LIMCH1: variants seen among roughly 807,000 people sequenced by gnomAD.
LIMCH1 encodes LIM and calponin homology domains-containing protein 1.
Under a neutral mutation model 176.5 loss-of-function variants are expected in LIMCH1, and 113 were observed. That is an observed-to-expected ratio of 0.64 (90% CI 0.55 to 0.75). The LOEUF is 0.75. Among genes scored for constraint, LIMCH1 ranks in the 30% least tolerant of loss-of-function variants. The pLI is 0.00. For synonymous variants in LIMCH1, 619 were observed against 645.9 expected (o/e 0.96, Z 0.63); for missense variants, 1,674 against 1,814.9 (o/e 0.92, Z 1.41).
chr4:41,493,918 G>C (rs2071552032), intron 1 of LIMCH1, among the ~76,000 whole-genome samples: 2 of 152,052 alleles, frequency 1.3e-5, no homozygotes. Context: ...TTCCCATCTT[G>C]ATGTTAGTCC....
chr4:41,621,801 T>A (rs2152828697), intron 7 of LIMCH1, among the ~76,000 whole-genome samples: 1 of 152,296 alleles, frequency 6.6e-6, no homozygotes, highest in Middle Eastern at 3.4e-3. Context: ...CTTGCAGAGC[T>A]GGTCACCACC....
intron 1 of LIMCH1, among the ~76,000 whole-genome samples, chr4:41,582,719 A>G (rs2085725620): frequency 6.6e-6 from 1 of 152,212 alleles, no homozygotes. Flanking sequence ...ATATACATAA[A>G]TTGCTTAGAA....
At chr4:41,536,056 A>C (rs1361332893), upstream of LIMCH1, among the ~76,000 whole-genome samples, 3 of 152,230 alleles carry the variant, frequency 2.0e-5, no homozygotes, top group Non-Finnish European at 4.4e-5. Context: ...AACTGTGAGC[A>C]AAAAATATAT....
chr4:41,684,439 A>T lies in LIMCH1; in HGVS notation c.3888A>T (p.Ser1296=), dbSNP rs199531434. ...GALAHSGNPV[S]KGVHEDHQLD... ...TGGCTCATTCTGGGAACCCTGTATCAAAAGGAGTCCATGAAGACCATCAGC... is the reference window on the plus strand; with the variant it reads ...TGGCTCATTCTGGGAACCCTGTATCTAAAGGAGTCCATGAAGACCATCAGC... The change falls in exon 27 of 32, where the codon TCA becomes TCT. Residue 1296 remains serine, a synonymous_variant. Transcript: ENST00000503057. 8.1e-6 allele frequency: 13 copies of T among 1,613,730 alleles called. No individual in the cohort carries two copies. The highest frequency in any genetic ancestry group is 1.1e-5 in the Non-Finnish European group (13 of 1,179,794).
intron 22 of LIMCH1, among the ~76,000 whole-genome samples, chr4:41,675,909 A>G (rs1329744625): frequency 6.6e-6 from 1 of 152,226 alleles, no homozygotes; most frequent in Non-Finnish European, 1.5e-5. Flanking sequence ...AACCCACTGT[A>G]GGGAAAAGTG....
intron 1 of LIMCH1, among the ~76,000 whole-genome samples, chr4:41,434,777 A>C (rs1410798843): frequency 6.6e-6 from 1 of 152,206 alleles, no homozygotes; most frequent in Non-Finnish European, 1.5e-5. Flanking sequence ...TTGGCCTCCC[A>C]AAGTGCTGGG....
At chr4:41,387,203 A>C (rs1434558116) in intron 1 of LIMCH1, among the ~76,000 whole-genome samples, 2 of 152,252 alleles carry the variant, frequency 1.3e-5, no homozygotes, top group African/African-American at 4.8e-5. Flanking sequence ...ATGAGAATGT[A>C]CAGATAACAT....
chr4:41,629,663 C>T lies in LIMCH1; in HGVS notation c.1200C>T (p.Phe400=). ...CCCCTCACCGCGAGCCCCCGAGCTT[C>T]ATTACGCTCTCCAACATAACAGAAG... ...SLAPHREPPS[F]ITLSNITEAD... The change falls in exon 9 of 32, where the codon TTC becomes TTT. Residue 400 remains phenylalanine, a synonymous_variant. Transcript: ENST00000503057. The T allele has an allele frequency of 6.5e-7, 1 of 1,536,092 alleles. No homozygotes were observed. Among genetic ancestry groups the T allele is most frequent in the Non-Finnish European group, 8.7e-7 (1 of 1,146,914 alleles).
intron 1 of LIMCH1, among the ~76,000 whole-genome samples, chr4:41,471,194 G>C (rs549885549): frequency 2.6e-5 from 4 of 152,244 alleles, no homozygotes; most frequent in African/African-American, 9.6e-5. Flanking sequence ...TTGAGCTATC[G>C]TGTTAGCTTT....
intron 1 of LIMCH1, among the ~76,000 whole-genome samples, chr4:41,385,354 C>G (rs950535099): frequency 4.6e-5 from 7 of 152,130 alleles, no homozygotes; most frequent in African/African-American, 1.7e-4. Flanking sequence ...TATTTGTTTT[C>G]TGAGCATTTT....
chr4:41,543,701 C>T (rs1057409075), intron 1 of LIMCH1, among the ~76,000 whole-genome samples: 3 of 152,100 alleles, frequency 2.0e-5, no homozygotes, highest in Non-Finnish European at 2.9e-5. Flanking sequence ...CCAAACATAG[C>T]GCCACAGTCT....
chr4:41,454,113 C>T (rs2154148511), intron 1 of LIMCH1, among the ~76,000 whole-genome samples: 1 of 152,200 alleles, frequency 6.6e-6, no homozygotes, highest in South Asian at 2.1e-4. Flanking sequence ...TCAATGCCCC[C>T]CACCCTCACC....
intron 1 of LIMCH1, among the ~76,000 whole-genome samples, chr4:41,405,006 A>G (rs998420537): frequency 1.3e-5 from 2 of 151,462 alleles, no homozygotes; most frequent in African/African-American, 2.4e-5. Flanking sequence ...TCTTTAACCC[A>G]TTTTTTCTGT....
chr4:41,633,131 TG>T, intron 12 of LIMCH1, 46 bp downstream of exon 12: 1 of 1,333,954 alleles, frequency 7.5e-7, no homozygotes, highest in East Asian at 2.5e-5. Context: ...TTGCCCCTGC[TG>T]TGTGTGGCTG....
At chr4:41,650,835 C>T (rs2094264816) in intron 18 of LIMCH1, among the ~76,000 whole-genome samples, 1 of 152,070 alleles carries the variant, frequency 6.6e-6, no homozygotes, top group Non-Finnish European at 1.5e-5. Flanking sequence ...GGTTGGCTCC[C>T]TCCATTGGTC....
chr4:41,491,424 G>A (rs1040875747), intron 1 of LIMCH1, among the ~76,000 whole-genome samples: 11 of 150,532 alleles, frequency 7.3e-5, no homozygotes, highest in Non-Finnish European at 1.2e-4. Context: ...CAGATGAAGG[G>A]CGGCCGGGCA....
intron 1 of LIMCH1, among the ~76,000 whole-genome samples, chr4:41,588,547 G>T (rs1417985890): frequency 6.6e-6 from 1 of 152,160 alleles, no homozygotes; most frequent in East Asian, 1.9e-4. Flanking sequence ...GACTTAGGGT[G>T]ATAAATAATA....
chr4:41,629,641 C>T lies in LIMCH1; in HGVS notation c.1178C>T (p.Pro393Leu). 1 of 1,536,042 alleles carries T rather than the reference C, an allele frequency of 6.5e-7. No homozygotes were observed. Among genetic ancestry groups the T allele is most frequent in the South Asian group, 1.2e-5 (1 of 84,054 alleles). The change falls in exon 9 of 32, where the codon CCT (proline) becomes CTT (leucine). Residue 393 changes from proline (P) to leucine (L), a missense_variant. By Grantham distance (98) the Pro-to-Leu change is moderately conservative (BLOSUM62 -3). Around this residue, in one of 3 missense-constraint regions of LIMCH1, gnomAD observed 655 missense variants for 692.2 expected, o/e 0.95. Transcript: ENST00000503057. Reference protein sequence around the residue: ...AQQRIQGSLAPHREPPSFITL... With the variant: ...AQQRIQGSLALHREPPSFITL... ...CAGAGAATTCAGGGCAGCCTTGCCC[C>T]TCACCGCGAGCCCCCGAGCTTCATT...
Position 41,626,956 on chromosome 4 carries a change from GCAGCAAA to G in LIMCH1, c.979_985del (p.Lys327SerfsTer11), listed in dbSNP as rs1157128420. Reference sequence around the variant, plus strand: ...AAGAAAGGGGCAGAGAAATCAGATGGCAGCAAACAGCTCTCAAAGGGAATCTCAAAAA... The same window carrying G: ...AAGAAAGGGGCAGAGAAATCAGATGGCAGCTCTCAAAGGGAATCTCAAAAA... On this transcript the variant is annotated frameshift_variant, in exon 8 of 32. Coordinates refer to ENST00000503057, the MANE Select transcript of LIMCH1 (RefSeq NM_001330672.2). LOFTEE classifies it high-confidence loss of function. 5 of 1,535,754 alleles carry G rather than the reference GCAGCAAA, an allele frequency of 3.3e-6. No individual in the cohort carries two copies. The African/African-American group carries it at 6.8e-5, about 21-fold the overall frequency.
Sources: allele counts gnomAD v4.1 joint callset (sites outside exome capture counted in the v4.1 genomes callset), GRCh38; gene constraint gnomAD v4.1.1; regional missense constraint gnomAD v4.1.1; transcripts MANE v1.5; gene names NCBI Gene and HGNC (gene_info 2026-07-23, HGNC 2026-07-21).